The following MTOR variants were observed in gnomAD, a reference collection of about 807,000 sequenced individuals.
The protein encoded by MTOR is serine/threonine-protein kinase mTOR.
MTOR carries 70 observed loss-of-function variants against 319.8 expected under a neutral mutation model. The observed-to-expected ratio is 0.22, with a 90% CI of 0.18 to 0.27. The LOEUF is 0.27. Among genes scored for constraint, MTOR ranks in the 10% least tolerant of loss-of-function variants. MTOR has a pLI of 1.00. For synonymous variants in MTOR, 1,183 were observed against 1,211.4 expected (o/e 0.98, Z 0.49); for missense variants, 1,890 against 3,274.4 (o/e 0.58, Z 10.32).
chr1:11,218,941 C>T (rs571201946), intron 19 of MTOR, among the ~76,000 whole-genome samples: 71 of 152,174 alleles, frequency 4.7e-4, no homozygotes, highest in African/African-American at 1.6e-3. Context: ...GGCGCAGTGG[C>T]TCACGCCTGT....
intron 28 of MTOR, among the ~76,000 whole-genome samples, chr1:11,196,454 C>T (rs1018297815): frequency 2.0e-5 from 3 of 152,064 alleles, no homozygotes; most frequent in Non-Finnish European, 2.9e-5. Context: ...ATTTAATTTG[C>T]CCTGTAGCAG....
chr1:11,230,095 A>G (rs1646967835), intron 18 of MTOR, among the ~76,000 whole-genome samples: 1 of 149,976 alleles, frequency 6.7e-6, no homozygotes, highest in Non-Finnish European at 1.5e-5. Flanking sequence ...CCCCTCCCTG[A>G]GTCAATTAAA....
chr1:11,239,843 T>A (rs1426793923), intron 11 of MTOR, among the ~76,000 whole-genome samples: 1 of 150,624 alleles, frequency 6.6e-6, no homozygotes, highest in East Asian at 1.9e-4. Flanking sequence ...AGGCAGAGGT[T>A]GCAGTGAGCT....
At chr1:11,225,249 G>A (rs549295357) in intron 19 of MTOR, among the ~76,000 whole-genome samples, 5 of 151,824 alleles carry the variant, frequency 3.3e-5, no homozygotes, top group South Asian at 4.2e-4. Context: ...CATATCTTAC[G>A]GTATGTAAGC....
intron 19 of MTOR, among the ~76,000 whole-genome samples, chr1:11,224,396 A>T (rs986408575): frequency 6.6e-6 from 1 of 152,236 alleles, no homozygotes; most frequent in Admixed American, 6.5e-5. Context: ...TAAAATTTGC[A>T]TGCATCTAGT....
At chr1:11,165,430 AG>A (rs1173725854) in intron 29 of MTOR, among the ~76,000 whole-genome samples, 1 of 152,174 alleles carries the variant, frequency 6.6e-6, no homozygotes, top group Non-Finnish European at 1.5e-5. Context: ...AAAAATCACA[AG>A]CATTCTTATA....
At chr1:11,235,014 A>G (rs979332669) in intron 13 of MTOR, among the ~76,000 whole-genome samples, 1 of 152,252 alleles carries the variant, frequency 6.6e-6, no homozygotes, top group African/African-American at 2.4e-5. Context: ...AGAGGAGTCT[A>G]CAATTTAACA....
chr1:11,121,956 G>C lies in MTOR; in HGVS notation c.6810+23C>G, dbSNP rs2100361165. The C allele has an allele frequency of 1.9e-6, 3 of 1,612,526 alleles. No homozygotes were observed. The highest frequency in any genetic ancestry group is 2.5e-6 in the Non-Finnish European group (3 of 1,179,038). On this transcript the variant is annotated intron_variant, in intron 48 of 57. Coordinates refer to ENST00000361445, the MANE Select transcript of MTOR (RefSeq NM_004958.4). This position sits in a 1 kb window ranked among gnomAD's most constrained non-coding sequence, Gnocchi z 4.9. ...ATTCCCTGCCACGGAAGGGGCACTA[G>C]CTCTCGTGGCCGCATCACATACCCG...
chr1:11,150,280 A>C, intron 30 of MTOR, 54 bp from the exon 31 acceptor site: 2 of 1,479,754 alleles, frequency 1.4e-6, no homozygotes, highest in African/African-American at 1.4e-5. Context: ...TAAACTACCA[A>C]TCTTCCTCTC....
intron 26 of MTOR, among the ~76,000 whole-genome samples, chr1:11,202,484 G>T (rs1480457620): frequency 6.6e-6 from 1 of 151,600 alleles, no homozygotes; most frequent in Non-Finnish European, 1.5e-5. Context: ...GGGGTTGAGG[G>T]ATGAGAAATT....
chr1:11,192,467 A>G (rs1033439041), intron 28 of MTOR: 7 of 1,114,104 alleles, frequency 6.3e-6, no homozygotes, highest in Non-Finnish European at 9.3e-6. Flanking sequence ...TAAAGAAAGG[A>G]AAATTCGGCT....
chr1:11,189,526 G>A, intron 28 of MTOR: 3 of 1,529,916 alleles, frequency 2.0e-6, no homozygotes, highest in Non-Finnish European at 2.6e-6. Context: ...ACCTCAGCTG[G>A]GCATCTCCAG....
At chr1:11,205,094 GA>G (rs1400110199) in intron 25 of MTOR, among the ~76,000 whole-genome samples, 1 of 152,214 alleles carries the variant, frequency 6.6e-6, no homozygotes, top group East Asian at 1.9e-4. Context: ...CAAGAAGAGG[GA>G]AAAGGCTCAG....
intron 9 of MTOR, 57 bp from the exon 10 acceptor site, chr1:11,241,738 C>T: frequency 6.4e-7 from 1 of 1,569,848 alleles, no homozygotes; most frequent in East Asian, 2.3e-5. Flanking sequence ...TAATGTCCCA[C>T]CTCAAAATCA....
rs2100429266 is a variant in MTOR at position 11,130,518 on chromosome 1, G to A, written c.5613+11C>T. ...TTGGTTGGTTGTTAATAAGGAAGAA[G>A]GGAAGGGTACCTCAGTGACCTTCTT... On this transcript the variant is annotated intron_variant, in intron 39 of 57. Coordinates refer to ENST00000361445, the MANE Select transcript of MTOR (RefSeq NM_004958.4). 6.2e-7 allele frequency: 1 copy of A among 1,608,556 alleles called. No individual in the cohort carries two copies. The highest frequency in any genetic ancestry group is 1.3e-5 in the African/African-American group (1 of 74,782).
chr1:11,239,977 T>C (rs572990552), intron 11 of MTOR, among the ~76,000 whole-genome samples: 3 of 151,690 alleles, frequency 2.0e-5, no homozygotes, highest in South Asian at 4.2e-4. Flanking sequence ...CCCCTACTTA[T>C]ACATTTTAAA....
chr1:11,254,730 C>A (rs189196746), intron 5 of MTOR, among the ~76,000 whole-genome samples: 1 of 151,410 alleles, frequency 6.6e-6, no homozygotes, highest in East Asian at 1.9e-4. Flanking sequence ...TTTGAGACAC[C>A]TATTTTTCCG....
chr1:11,212,191 G>T lies in MTOR; in HGVS notation c.3561+121C>A. On this transcript the variant is annotated intron_variant, in intron 23 of 57. Transcript: ENST00000361445. The surrounding 1 kb of genome is among the most constrained non-coding windows in gnomAD (Gnocchi z 4.1). ...TGCTGAACACATGAAAAGAAAAAAA[G>T]CAAGTAATTCCACGTTCTCTGATGG... The T allele has an allele frequency of 1.6e-6, 2 of 1,273,534 alleles. No individual in the cohort carries two copies. Among genetic ancestry groups the T allele is most frequent in the South Asian group, 1.5e-5 (1 of 67,220 alleles). 78.9% of individuals were successfully genotyped at this position (1,273,534 alleles called of 1,614,324 possible). A position where few individuals can be genotyped will look rare whatever the true frequency, so the allele number is the denominator to read the frequency against.
chr1:11,149,996 TG>T, intron 31 of MTOR, 129 bp downstream of exon 31: 1 of 668,462 alleles, frequency 1.5e-6, no homozygotes. Flanking sequence ...TAGAAGTAGG[TG>T]GATACAGACC....
Sources: allele counts gnomAD v4.1 joint callset (sites outside exome capture counted in the v4.1 genomes callset), GRCh38; gene constraint gnomAD v4.1.1; non-coding constraint Gnocchi (gnomAD v3.1); transcripts MANE v1.5; gene names NCBI Gene and HGNC (gene_info 2026-07-23, HGNC 2026-07-21).